The following RANBP2 variants were observed in gnomAD, a reference collection of about 807,000 sequenced individuals.
RANBP2 encodes RAN binding protein 2.
Under a neutral mutation model 303.6 loss-of-function variants are expected in RANBP2, and 57 were observed. The ratio of observed to expected loss-of-function variants is 0.19; its 90% confidence interval spans 0.15 to 0.23. RANBP2 has a LOEUF of 0.23. RANBP2 is among the 10% of genes least tolerant of loss of function. The pLI, the probability that RANBP2 is intolerant of heterozygous loss-of-function variation, is 1.00. For synonymous variants in RANBP2, 1,167 were observed against 1,301.5 expected (o/e 0.90, Z 2.23); for missense variants, 3,138 against 3,780.8 (o/e 0.83, Z 4.46).
chr2:108,912,762 C>T, the RANBP2 span: 20 of 1,590,708 alleles, frequency 1.3e-5, no homozygotes, highest in East Asian at 2.3e-5. Flanking sequence ...GTGGCTCCCA[C>T]ACCTGCAAGG....
At chr2:109,496,026 A>G in the RANBP2 span, among the ~76,000 whole-genome samples, 1 of 152,220 alleles carries the variant, frequency 6.6e-6, no homozygotes, top group Non-Finnish European at 1.5e-5. Context: ...AGCAAAGGAC[A>G]AAGCTTCCAC....
At chr2:109,149,018 C>T in the RANBP2 span, among the ~76,000 whole-genome samples, 1 of 152,188 alleles carries the variant, frequency 6.6e-6, no homozygotes, top group Non-Finnish European at 1.5e-5. Context: ...AACTGCAGAT[C>T]CCCCTTTCTC....
At chr2:109,653,472 T>C in the RANBP2 span, among the ~76,000 whole-genome samples, 1 of 151,934 alleles carries the variant, frequency 6.6e-6, no homozygotes, top group Non-Finnish European at 1.5e-5. Context: ...CCTTGTCTGC[T>C]GGCAGTGCTG....
chr2:108,779,711 T>C (rs1202901080), intron 25 of RANBP2, among the ~76,000 whole-genome samples: 1 of 152,218 alleles, frequency 6.6e-6, no homozygotes, highest in Non-Finnish European at 1.5e-5. Context: ...AGGTATGGGA[T>C]GGAGAAGTTT....
chr2:109,124,978 T>A, the RANBP2 span, among the ~76,000 whole-genome samples: 1 of 152,206 alleles, frequency 6.6e-6, no homozygotes, highest in African/African-American at 2.4e-5. Flanking sequence ...ACAACAAAAA[T>A]GGACTCTGGT....
chr2:109,463,590 T>G, the RANBP2 span, among the ~76,000 whole-genome samples: 1 of 152,156 alleles, frequency 6.6e-6, no homozygotes, highest in Admixed American at 6.5e-5. Flanking sequence ...AATTTCTGAT[T>G]ATTGTGCAAC....
chr2:109,600,400 C>A, the RANBP2 span, among the ~76,000 whole-genome samples: 1 of 152,116 alleles, frequency 6.6e-6, no homozygotes, highest in African/African-American at 2.4e-5. Context: ...ACCTGTATAA[C>A]CATCAATTAT....
At chr2:109,084,014 C>T in the RANBP2 span, among the ~76,000 whole-genome samples, 1 of 152,128 alleles carries the variant, frequency 6.6e-6, no homozygotes, top group East Asian at 1.9e-4. Flanking sequence ...TTGTGTCACC[C>T]TTTCCCTCCA....
At chr2:108,738,628 C>CTTTTT (rs373620543) in intron 6 of RANBP2, among the ~76,000 whole-genome samples, 1 of 136,612 alleles carries the variant, frequency 7.3e-6, no homozygotes, top group Non-Finnish European at 1.6e-5. Flanking sequence ...ATAATAATAG[C>CTTTTT]TTTTTTTTTT....
chr2:109,305,748 T>G, the RANBP2 span, among the ~76,000 whole-genome samples: 1 of 152,308 alleles, frequency 6.6e-6, no homozygotes, highest in East Asian at 1.9e-4. Context: ...TTCCAGGCAG[T>G]GTTCTCTGCG....
At chr2:109,480,626 G>GGGA in the RANBP2 span, among the ~76,000 whole-genome samples, 19 of 152,064 alleles carry the variant, frequency 1.2e-4, no homozygotes, top group Non-Finnish European at 2.2e-4. Flanking sequence ...GCTGCCCTGT[G>GGGA]GGAGGAGGAG....
the RANBP2 span, among the ~76,000 whole-genome samples, chr2:109,220,929 A>G: frequency 1.3e-5 from 2 of 152,250 alleles, no homozygotes; most frequent in African/African-American, 4.8e-5. Context: ...CTTATACCCA[A>G]ATGAATTGTG....
At chr2:109,319,336 T>C in the RANBP2 span, among the ~76,000 whole-genome samples, 92,566 of 152,180 alleles carry the variant, frequency 0.61, 29,979 homozygotes, top group East Asian at 0.91. Flanking sequence ...CAGTGCAGGT[T>C]AGTTGACTGC....
At chr2:109,521,915 G>A in the RANBP2 span, among the ~76,000 whole-genome samples, 1 of 152,174 alleles carries the variant, frequency 6.6e-6, no homozygotes, top group Non-Finnish European at 1.5e-5. Context: ...CTGCAGGGAT[G>A]GGGAGGGAGG....
the RANBP2 span, among the ~76,000 whole-genome samples, chr2:109,232,093 G>A: frequency 6.6e-6 from 1 of 152,200 alleles, no homozygotes; most frequent in Non-Finnish European, 1.5e-5. Context: ...GCCGCTACAA[G>A]TATTTATGTG....
chr2:109,435,045 CTG>C, the RANBP2 span, among the ~76,000 whole-genome samples: 1 of 152,136 alleles, frequency 6.6e-6, no homozygotes, highest in Non-Finnish European at 1.5e-5. Flanking sequence ...CCCTCTTGGT[CTG>C]TGTTTTCCAA....
chr2:108,948,439 C>G, the RANBP2 span, among the ~76,000 whole-genome samples: 1 of 152,184 alleles, frequency 6.6e-6, no homozygotes, highest in Non-Finnish European at 1.5e-5. Context: ...TCTACCAGTA[C>G]CAATTCTCTG....
rs183254609 is a variant in RANBP2 at position 108,748,555 on chromosome 2, T to A, written c.1064-365T>A. Among the ~76,000 whole-genome samples the A allele has an allele frequency of 1.8e-3, 271 of 152,172 alleles. 2 individuals are homozygous for A. The highest frequency in any genetic ancestry group is 6.3e-3 in the African/African-American group (262 of 41,500). On this transcript the variant is annotated intron_variant, in intron 8 of 28. Transcript: ENST00000283195. ...TCTTAAAAGCTGTTTAAAGGAGGAT[T>A]CTGATCAGCCAGGTTCAGAAATCAG... is the stretch of plus-strand genomic sequence containing the variant.
chr2:109,552,892 AAAG>A, the RANBP2 span: 15 of 616,956 alleles, frequency 2.4e-5, no homozygotes, highest in Non-Finnish European at 4.0e-5. Context: ...CTTTAAAAAA[AAAG>A]AAGGCCAAAG....
Sources: allele counts gnomAD v4.1 joint callset (sites outside exome capture counted in the v4.1 genomes callset), GRCh38; gene constraint gnomAD v4.1.1; transcripts MANE v1.5; gene names NCBI Gene and HGNC (gene_info 2026-07-23, HGNC 2026-07-21).